The following METTL22 variants were observed in gnomAD, a reference collection of about 807,000 sequenced individuals.
METTL22 encodes the protein methyltransferase-like protein 22.
Under a neutral mutation model 48.4 loss-of-function variants are expected in METTL22, and 51 were observed. The ratio of observed to expected loss-of-function variants is 1.05; its 90% confidence interval spans 0.84 to 1.33. METTL22 has a LOEUF of 1.33. Ranked by LOEUF, METTL22 falls within the 40% of genes most tolerant of loss-of-function variation. The probability of loss-of-function intolerance (pLI) is 0.00; values close to 1 mark genes in which losing one functional copy is unlikely to be tolerated. For synonymous variants in METTL22, 255 were observed against 214.1 expected (o/e 1.19, Z -1.67); for missense variants, 678 against 526.9 (o/e 1.29, Z -2.81).
At chr16:8,658,149 A>G in the METTL22 span, among the ~76,000 whole-genome samples, 5 of 152,080 alleles carry the variant, frequency 3.3e-5, no homozygotes, top group African/African-American at 9.7e-5. Flanking sequence ...GGAGAGGGAG[A>G]TTTGAGAACC....
At chr16:8,659,278 C>T in the METTL22 span, among the ~76,000 whole-genome samples, 1 of 151,634 alleles carries the variant, frequency 6.6e-6, no homozygotes, top group African/African-American at 2.4e-5. Context: ...TTGCAGTGAG[C>T]CAAGATTGCG....
At chr16:8,644,513 C>A in intron 9 of METTL22, 44 bp from the exon 10 acceptor site, 2 of 1,507,158 alleles carry the variant, frequency 1.3e-6, no homozygotes, top group Non-Finnish European at 1.8e-6. Context: ...AAAACCCTTC[C>A]CATTGATGAT....
chr16:8,654,222 G>A (rs1427695811), downstream of METTL22, among the ~76,000 whole-genome samples: 1 of 152,232 alleles, frequency 6.6e-6, no homozygotes, highest in East Asian at 1.9e-4. Context: ...CACATAAGTT[G>A]TGAGGGATAG....
downstream of METTL22, among the ~76,000 whole-genome samples, chr16:8,654,477 C>G (rs905987166): frequency 6.6e-6 from 1 of 152,158 alleles, no homozygotes; most frequent in Non-Finnish European, 1.5e-5. Flanking sequence ...TTTGTTTTTA[C>G]AAACATGGGT....
intron 5 of METTL22, 101 bp from the exon 6 acceptor site, chr16:8,638,990 C>T: frequency 8.7e-7 from 1 of 1,151,084 alleles, no homozygotes; most frequent in Admixed American, 1.8e-5. Context: ...TCTCTAATTT[C>T]TGCAGTTGTG....
At chr16:8,624,683 T>C (rs148330085) in intron 1 of METTL22, among the ~76,000 whole-genome samples, 5 of 151,796 alleles carry the variant, frequency 3.3e-5, no homozygotes, top group Non-Finnish European at 7.4e-5. Context: ...CTGGGAAACA[T>C]AGTGAGACCC....
the METTL22 span, among the ~76,000 whole-genome samples, chr16:8,659,169 A>G: frequency 1.3e-5 from 2 of 152,078 alleles, no homozygotes; most frequent in East Asian, 3.9e-4. Flanking sequence ...CATCTGTACT[A>G]AAAATACAAA....
At chr16:8,641,207 C>T (rs199810092) in intron 7 of METTL22, 23 bp downstream of exon 7, 264 of 1,612,958 alleles carry the variant, frequency 1.6e-4, no homozygotes, top group Middle Eastern at 3.3e-4. Flanking sequence ...CTCGGACGTC[C>T]CCCAGTATGA....
intron 6 of METTL22, among the ~76,000 whole-genome samples, chr16:8,640,010 G>A (rs767605842): frequency 1.3e-5 from 2 of 151,964 alleles, no homozygotes; most frequent in Admixed American, 1.3e-4. Context: ...CATCACCCTC[G>A]GGGCTTCAGA....
In METTL22 at chr16:8,642,221, T is replaced by C. The variant is rs2056641224; in HGVS notation, c.907+14T>C. 1.2e-6 allele frequency: 2 copies of C among 1,600,178 alleles called. No individual in the cohort carries two copies. Among genetic ancestry groups the C allele is most frequent in the Admixed American group, 3.3e-5 (2 of 59,992 alleles). The stretch of plus-strand genomic sequence containing the variant: ...TTGCAGCCGAAGGTAAGAAAATTTC[T>C]CCTTCGCCGTACACGTCCTTTGTTG... On this transcript the variant is annotated intron_variant, in intron 8 of 10. Transcript: ENST00000381920.
chr16:8,630,601 G>A (rs1258615940), intron 3 of METTL22, among the ~76,000 whole-genome samples: 1 of 152,166 alleles, frequency 6.6e-6, no homozygotes, highest in African/African-American at 2.4e-5. Context: ...AAGCTGGGGA[G>A]CAAACCTGTC....
chr16:8,661,049 C>T, the METTL22 span, among the ~76,000 whole-genome samples: 2 of 152,154 alleles, frequency 1.3e-5, no homozygotes, highest in Non-Finnish European at 2.9e-5. Context: ...GTCATGTTCT[C>T]CTCCCCCAGG....
rs1414496341 is a variant in METTL22 at position 8,646,736 on chromosome 16, A to G, written c.*593A>G. 4 of 450,152 alleles carry G rather than the reference A, an allele frequency of 8.9e-6. No homozygotes were observed. The highest frequency in any genetic ancestry group is 1.8e-5 in the Non-Finnish European group (4 of 222,094). 27.9% of individuals were successfully genotyped at this position (450,152 alleles called of 1,614,324 possible). A position where few individuals can be genotyped will look rare whatever the true frequency, so the allele number is the denominator to read the frequency against. ...ACCCAAATCAGGTACGTTTGGAATAAACCTAAGAGCCACTCTTTGGGGTCA... is the reference window on the plus strand; with the variant it reads ...ACCCAAATCAGGTACGTTTGGAATAGACCTAAGAGCCACTCTTTGGGGTCA... On this transcript the variant is annotated 3_prime_UTR_variant, in exon 11 of 11. Transcript: ENST00000381920.
chr16:8,640,306 G>T (rs1292372859), intron 6 of METTL22, among the ~76,000 whole-genome samples: 1 of 152,048 alleles, frequency 6.6e-6, no homozygotes, highest in Non-Finnish European at 1.5e-5. Flanking sequence ...CTCTCCTCCT[G>T]TGCGTTTGCC....
At chr16:8,625,825 C>T (rs375658166) in intron 2 of METTL22, 27 bp downstream of exon 2, 56 of 1,610,718 alleles carry the variant, frequency 3.5e-5, no homozygotes, top group Non-Finnish European at 4.1e-5. Flanking sequence ...AGGTGCCCTG[C>T]GGATCCTATT....
chr16:8,623,026 G>A lies in METTL22; in HGVS notation c.-171+1251G>A, dbSNP rs574857574. Among the ~76,000 whole-genome samples, 14 of 152,186 alleles carry A rather than the reference G, an allele frequency of 9.2e-5. No homozygotes were observed. The South Asian group carries it at 1.9e-3, about 20-fold the overall frequency. The stretch of plus-strand genomic sequence containing the variant: ...GATGTAAGTTTTCCAACAAAATTGC[G>A]CTATAGGCCATGCCTGGTGGCTCAC... On this transcript the variant is annotated intron_variant, in intron 1 of 10. Coordinates refer to ENST00000381920, the MANE Select transcript of METTL22 (RefSeq NM_024109.4).
At chr16:8,634,887 C>T in intron 3 of METTL22, 152 bp from the exon 4 acceptor site, 2 of 967,936 alleles carry the variant, frequency 2.1e-6, no homozygotes, top group South Asian at 3.1e-5. Context: ...ACCAGTAGCA[C>T]AGCCTGTGTT....
the METTL22 span, among the ~76,000 whole-genome samples, chr16:8,664,223 A>G: frequency 0.17 from 26,182 of 151,840 alleles, 2,552 homozygotes; most frequent in Admixed American, 0.29. Flanking sequence ...AAGTAAGTGG[A>G]ACCACAGACA....
chr16:8,633,174 C>T (rs1444568203), intron 3 of METTL22, among the ~76,000 whole-genome samples: 4 of 152,170 alleles, frequency 2.6e-5, no homozygotes, highest in African/African-American at 9.7e-5. Context: ...CCCCTCCACG[C>T]ACAAGCACAC....
Sources: gnomAD v4.1 joint callset for allele counts (sites outside exome capture counted in the v4.1 genomes callset) on GRCh38, gnomAD v4.1.1 for gene constraint, MANE v1.5 for transcripts, NCBI Gene and HGNC (gene_info 2026-07-23, HGNC 2026-07-21) for gene names.